Variants in CEP89 observed in about 807,000 individuals in gnomAD.
CEP89 encodes centrosomal protein of 89 kDa.
Under a neutral mutation model 97.6 loss-of-function variants are expected in CEP89, and 95 were observed. The ratio of observed to expected loss-of-function variants is 0.97; its 90% CI spans 0.82 to 1.15. The LOEUF (loss-of-function observed/expected upper bound fraction) is 1.15, where lower values mean the gene tolerates loss of function less well. Among genes scored for constraint, CEP89 ranks in the 50% most tolerant of loss-of-function variants. The pLI, the probability that CEP89 is intolerant of heterozygous loss-of-function variation, is 0.00. For synonymous variants in CEP89, 354 were observed against 349.1 expected (o/e 1.01, Z -0.16); for missense variants, 869 against 947.7 (o/e 0.92, Z 1.09).
intron 14 of CEP89, among the ~76,000 whole-genome samples, chr19:32,905,200 C>G (rs1378788293): frequency 6.6e-6 from 1 of 152,118 alleles, no homozygotes; most frequent in African/African-American, 2.4e-5. Context: ...CAACATTTCC[C>G]TATTTGGTGT....
At chr19:32,944,233 A>AAAAAAAAAAAAAAAAAAAAAAAAAAAAC in intron 5 of CEP89, among the ~76,000 whole-genome samples, 1 of 121,684 alleles carries the variant, frequency 8.2e-6, no homozygotes, top group Non-Finnish European at 1.7e-5. Flanking sequence ...AAAAAAAAAA[A>AAAAAAAAAAAAAAAAAAAAAAAAAAAAC]AAAAGACTCT....
At position 32,966,347 on chromosome 19, in the gene CEP89, A is replaced by G; in HGVS notation, c.146+13T>C. On this transcript the variant is annotated intron_variant, in intron 2 of 18. Coordinates refer to ENST00000305768, the MANE Select transcript of CEP89 (RefSeq NM_032816.5). ...ACAGGGGTGACCTCAGTGCCTGCTC[A>G]TCTGATACTCACCTTGGTCTCTCTG... 1 of 1,479,180 alleles carries G rather than the reference A, an allele frequency of 6.8e-7. No homozygotes were observed. The highest frequency in any genetic ancestry group is 9.2e-7 in the Non-Finnish European group (1 of 1,092,560). 91.6% of individuals were successfully genotyped at this position (1,479,180 alleles called of 1,614,324 possible).
chr19:32,961,536 G>A (rs1470262943), intron 2 of CEP89, among the ~76,000 whole-genome samples: 6 of 133,598 alleles, frequency 4.5e-5, no homozygotes, highest in African/African-American at 1.5e-4. Context: ...CCGAGATCGC[G>A]CCACTGCCCT....
chr19:32,902,691 A>G (rs1328381107), intron 14 of CEP89, among the ~76,000 whole-genome samples: 2 of 152,080 alleles, frequency 1.3e-5, no homozygotes, highest in African/African-American at 2.4e-5. Flanking sequence ...GAGATCCAAG[A>G]GCAGGAAGGT....
chr19:32,892,147 T>TATATATTTAGACATAC (rs1049369222), intron 16 of CEP89, among the ~76,000 whole-genome samples: 1 of 136,748 alleles, frequency 7.3e-6, no homozygotes, highest in Non-Finnish European at 1.5e-5. Context: ...TTTAGACATA[T>TATATATTTAGACATAC]ATATATTTAG....
At chr19:32,958,111 C>A (rs951299667) in intron 3 of CEP89, among the ~76,000 whole-genome samples, 2 of 151,200 alleles carry the variant, frequency 1.3e-5, no homozygotes, top group Admixed American at 1.3e-4. Context: ...ATTTTTTCCA[C>A]TGAATTTTAG....
intron 18 of CEP89, among the ~76,000 whole-genome samples, chr19:32,879,680 C>T (rs55943301): frequency 0.017 from 2,616 of 152,262 alleles, 83 homozygotes; most frequent in African/African-American, 0.06. Context: ...TTGACTTTGG[C>T]GCCAGTGCAA....
At chr19:32,911,523 C>T (rs1970000204) in intron 14 of CEP89, among the ~76,000 whole-genome samples, 2 of 152,138 alleles carry the variant, frequency 1.3e-5, no homozygotes, top group Non-Finnish European at 2.9e-5. Context: ...TGCTATGGCA[C>T]GTGCCTGTGG....
chr19:32,945,244 ACTGC>A (rs931255563), intron 5 of CEP89, among the ~76,000 whole-genome samples: 1 of 147,908 alleles, frequency 6.8e-6, no homozygotes, highest in African/African-American at 2.5e-5. Context: ...AGATCGCGCC[ACTGC>A]ACTCCAGCCT....
At chr19:32,959,285 C>T (rs769944994) in intron 3 of CEP89, among the ~76,000 whole-genome samples, 2 of 152,052 alleles carry the variant, frequency 1.3e-5, no homozygotes, top group African/African-American at 4.8e-5. Flanking sequence ...GTCTGGAAAG[C>T]TCATCCCAGC....
chr19:32,951,330 A>T (rs550877534), intron 4 of CEP89, among the ~76,000 whole-genome samples: 136 of 152,198 alleles, frequency 8.9e-4, no homozygotes, highest in African/African-American at 3.1e-3. Context: ...TACTAAAAAT[A>T]CAAAAATTTG....
intron 4 of CEP89, among the ~76,000 whole-genome samples, chr19:32,952,468 A>AC (rs1361350756): frequency 2.0e-5 from 3 of 149,458 alleles, no homozygotes; most frequent in Admixed American, 2.0e-4. Flanking sequence ...GGACAGTGAG[A>AC]CCCCATCTCA....
intron 17 of CEP89, among the ~76,000 whole-genome samples, chr19:32,884,458 C>T (rs1969351529): frequency 1.3e-5 from 2 of 151,982 alleles, no homozygotes; most frequent in Non-Finnish European, 2.9e-5. Context: ...TTTCTTTGGT[C>T]TCAATTTTGT....
At chr19:32,937,339 C>T (rs1185016616) in intron 7 of CEP89, among the ~76,000 whole-genome samples, 1 of 151,728 alleles carries the variant, frequency 6.6e-6, no homozygotes, top group African/African-American at 2.4e-5. Context: ...CTCCTTCCAC[C>T]CCCAGGATCC....
Position 32,926,973 on chromosome 19 carries a change from A to C in CEP89, c.1041T>G (p.Ile347Met), listed in dbSNP as rs766677775. 7 of 1,613,706 alleles carry C rather than the reference A, an allele frequency of 4.3e-6. 1 individual carries two copies. The highest frequency in any genetic ancestry group is 3.3e-4 in the Middle Eastern group (2 of 6,058). ...RHLSKEESLN[I>M]EGLPSKGPIP... ...TAGGGCCCTTGGATGGGAGGCCTTC[A>C]ATATTTAAGCTCTAAGAACAAAACA... Residue 347 changes from isoleucine (I) to methionine (M), a missense_variant, in exon 10 of 19, where the codon ATT (isoleucine) becomes ATG (methionine). Transcript: ENST00000305768.
chr19:32,910,425 T>A (rs967398413), intron 14 of CEP89, among the ~76,000 whole-genome samples: 1 of 152,098 alleles, frequency 6.6e-6, no homozygotes, highest in African/African-American at 2.4e-5. Context: ...GGTGGGTGCA[T>A]GTGAGGGCCT....
intron 8 of CEP89, among the ~76,000 whole-genome samples, chr19:32,932,243 T>C (rs1206969214): frequency 6.7e-6 from 1 of 150,034 alleles, no homozygotes; most frequent in Admixed American, 6.6e-5. Context: ...TTAGAGCTAA[T>C]AACCTTCCCA....
At chr19:32,886,253 T>C (rs1969392386) in intron 17 of CEP89, among the ~76,000 whole-genome samples, 1 of 152,224 alleles carries the variant, frequency 6.6e-6, no homozygotes, top group Non-Finnish European at 1.5e-5. Context: ...TTTTCTTCCT[T>C]TTCCTTAAAC....
At chr19:32,952,995 C>A (rs1970957825) in intron 4 of CEP89, among the ~76,000 whole-genome samples, 1 of 150,436 alleles carries the variant, frequency 6.6e-6, no homozygotes, top group Non-Finnish European at 1.5e-5. Flanking sequence ...CTATATTTTG[C>A]CATTAAAGAA....
Sources: allele counts gnomAD v4.1 joint callset (sites outside exome capture counted in the v4.1 genomes callset), GRCh38; gene constraint gnomAD v4.1.1; transcripts MANE v1.5; gene names NCBI Gene and HGNC (gene_info 2026-07-23, HGNC 2026-07-21).